Variants in CNTNAP2 observed in about 807,000 individuals in gnomAD.
CNTNAP2 encodes contactin associated protein 2, also known as contactin-associated protein-like 2.
Under a neutral mutation model 155.2 loss-of-function variants are expected in CNTNAP2, and 98 were observed. The ratio of observed to expected loss-of-function variants is 0.63; its 90% CI spans 0.54 to 0.75. The LOEUF is 0.75. CNTNAP2 is among the 30% of genes least tolerant of loss of function. The probability of loss-of-function intolerance (pLI) is 0.00; values close to 1 mark genes in which losing one functional copy is unlikely to be tolerated. For missense variants in CNTNAP2, 1,727 were observed against 1,688.1 expected (o/e 1.02, Z -0.40); for synonymous variants, 651 against 631.2 (o/e 1.03, Z -0.47).
chr7:147,174,878 T>C (rs1802305638), intron 8 of CNTNAP2, among the ~76,000 whole-genome samples: 1 of 152,108 alleles, frequency 6.6e-6, no homozygotes, highest in African/African-American at 2.4e-5. Context: ...AAATATATAA[T>C]TTTTTCATAG....
intron 1 of CNTNAP2, among the ~76,000 whole-genome samples, chr7:146,319,306 A>G (rs139790855): frequency 3.3e-4 from 51 of 152,302 alleles, no homozygotes; most frequent in Non-Finnish European, 2.4e-4. Context: ...AGCAATAAAA[A>G]TACTTTAAAA....
At chr7:147,368,285 C>T (rs1796279149) in intron 9 of CNTNAP2, among the ~76,000 whole-genome samples, 1 of 151,898 alleles carries the variant, frequency 6.6e-6, no homozygotes, top group Non-Finnish European at 1.5e-5. Flanking sequence ...GACAGCTGGT[C>T]AACTCTCTAA....
chr7:146,283,341 T>TG (rs143922138), intron 1 of CNTNAP2, among the ~76,000 whole-genome samples: 2,536 of 152,232 alleles, frequency 0.017, 73 homozygotes, highest in African/African-American at 0.059. Context: ...ACTAACATCA[T>TG]GGGAGAAAAA....
chr7:146,428,400 C>A (rs1193461492), intron 1 of CNTNAP2, among the ~76,000 whole-genome samples: 1 of 151,944 alleles, frequency 6.6e-6, no homozygotes, highest in East Asian at 1.9e-4. Context: ...CAAAACCTTG[C>A]CAGAATCTGT....
chr7:147,976,294 T>C (rs2116862849), intron 14 of CNTNAP2, among the ~76,000 whole-genome samples: 1 of 152,324 alleles, frequency 6.6e-6, no homozygotes, highest in South Asian at 2.1e-4. Flanking sequence ...CAAATTACCA[T>C]ATGCTGTTAG....
chr7:146,435,370 G>T (rs1343321262), intron 1 of CNTNAP2, among the ~76,000 whole-genome samples: 1 of 152,144 alleles, frequency 6.6e-6, no homozygotes, highest in Non-Finnish European at 1.5e-5. Flanking sequence ...TTTAGACCCT[G>T]CTAAAAAACT....
intron 9 of CNTNAP2, among the ~76,000 whole-genome samples, chr7:147,359,396 T>A (rs1179020934): frequency 6.6e-6 from 1 of 152,146 alleles, no homozygotes; most frequent in Non-Finnish European, 1.5e-5. Context: ...ATCTCCCTTT[T>A]CCACCCTTCT....
At chr7:146,587,096 A>C (rs1402822408) in intron 1 of CNTNAP2, among the ~76,000 whole-genome samples, 1 of 151,632 alleles carries the variant, frequency 6.6e-6, no homozygotes, top group Non-Finnish European at 1.5e-5. Flanking sequence ...AAGTCATATG[A>C]TGAGAACTAT....
intron 3 of CNTNAP2, among the ~76,000 whole-genome samples, chr7:146,939,406 T>G (rs1796998429): frequency 1.3e-5 from 2 of 152,208 alleles, no homozygotes; most frequent in African/African-American, 2.4e-5. Context: ...TCTCATCCAT[T>G]TGTGAGCAAC....
chr7:147,220,475 A>T (rs1261499652), intron 8 of CNTNAP2, among the ~76,000 whole-genome samples: 2 of 152,204 alleles, frequency 1.3e-5, no homozygotes, highest in Non-Finnish European at 2.9e-5. Flanking sequence ...TTGATGTTCA[A>T]AACTGATTAT....
chr7:148,104,885 G>A (rs1464683880), intron 15 of CNTNAP2, among the ~76,000 whole-genome samples: 1 of 152,132 alleles, frequency 6.6e-6, no homozygotes, highest in African/African-American at 2.4e-5. Flanking sequence ...CTTCAATTCT[G>A]AAACTGTCAA....
At chr7:147,077,036 A>C (rs1157697171) in intron 4 of CNTNAP2, among the ~76,000 whole-genome samples, 1 of 152,166 alleles carries the variant, frequency 6.6e-6, no homozygotes, top group Non-Finnish European at 1.5e-5. Context: ...CTATGGTATT[A>C]GATGTTTTAA....
At chr7:147,568,162 T>C (rs576193249) in intron 12 of CNTNAP2, among the ~76,000 whole-genome samples, 1 of 152,286 alleles carries the variant, frequency 6.6e-6, no homozygotes, top group African/African-American at 2.4e-5. Context: ...TTGGAATAAG[T>C]TGATATCTTC....
At chr7:147,368,394 C>T (rs982734002) in intron 9 of CNTNAP2, among the ~76,000 whole-genome samples, 2 of 152,146 alleles carry the variant, frequency 1.3e-5, no homozygotes, top group South Asian at 2.1e-4. Flanking sequence ...TGTCTCCCTG[C>T]AAACAGTGGC....
chr7:147,317,366 A>G (rs959270742), intron 9 of CNTNAP2, among the ~76,000 whole-genome samples: 1 of 152,168 alleles, frequency 6.6e-6, no homozygotes, highest in Non-Finnish European at 1.5e-5. Flanking sequence ...TAGCAATGCA[A>G]ATTTATAACC....
chr7:146,450,957 A>G (rs959103495), intron 1 of CNTNAP2, among the ~76,000 whole-genome samples: 1 of 151,748 alleles, frequency 6.6e-6, no homozygotes, highest in Non-Finnish European at 1.5e-5. Flanking sequence ...TTATTTATTT[A>G]TTTATTTGAG....
At chr7:147,811,479 CA>C (rs1204563191) in intron 13 of CNTNAP2, among the ~76,000 whole-genome samples, 2 of 152,228 alleles carry the variant, frequency 1.3e-5, no homozygotes, top group East Asian at 3.9e-4. Context: ...AATTGCCTCC[CA>C]ACTCAGCAGT....
At chr7:147,709,035 C>T (rs771117858) in intron 13 of CNTNAP2, among the ~76,000 whole-genome samples, 1 of 152,084 alleles carries the variant, frequency 6.6e-6, no homozygotes, top group Non-Finnish European at 1.5e-5. Context: ...TGTTCAGATC[C>T]TCGTTCAAAA....
intron 20 of CNTNAP2, among the ~76,000 whole-genome samples, chr7:148,259,999 T>C (rs1796530712): frequency 6.6e-6 from 1 of 152,098 alleles, no homozygotes; most frequent in Non-Finnish European, 1.5e-5. Context: ...TACAGCAAAA[T>C]ACATTTCTAC....
Sources: gnomAD v4.1 joint callset for allele counts (sites outside exome capture counted in the v4.1 genomes callset) on GRCh38, gnomAD v4.1.1 for gene constraint, MANE v1.5 for transcripts, NCBI Gene and HGNC (gene_info 2026-07-23, HGNC 2026-07-21) for gene names.